The following HIVEP1 variants were observed in gnomAD, a reference collection of about 807,000 sequenced individuals.
The protein encoded by HIVEP1 is zinc finger protein 40.
HIVEP1 carries 36 observed loss-of-function variants against 180.0 expected under a neutral mutation model. The ratio of observed to expected loss-of-function variants is 0.20; its 90% confidence interval spans 0.15 to 0.26. HIVEP1 has a LOEUF of 0.26. Among genes scored for constraint, HIVEP1 ranks in the 10% least tolerant of loss-of-function variants. HIVEP1 has a pLI of 1.00. For synonymous variants in HIVEP1, 1,239 were observed against 1,239.0 expected (o/e 1.00, Z 0.00); for missense variants, 3,143 against 3,268.7 (o/e 0.96, Z 0.94).
intron 2 of HIVEP1, among the ~76,000 whole-genome samples, chr6:12,061,841 A>G (rs185742135): frequency 7.3e-4 from 111 of 152,328 alleles, no homozygotes; most frequent in Admixed American, 2.5e-3. Flanking sequence ...CAGTTTAAAA[A>G]AAATTTCTAA....
intron 2 of HIVEP1, among the ~76,000 whole-genome samples, chr6:12,019,148 G>A (rs1768025084): frequency 6.6e-6 from 1 of 152,208 alleles, no homozygotes; most frequent in Non-Finnish European, 1.5e-5. Flanking sequence ...GATGGGGAAG[G>A]GGAAGACTTC....
rs200876372 is a variant in HIVEP1, at chr6:12,121,707, C to T, written c.1912C>T (p.His638Tyr). ...MNPLEGKQDS[H>Y]VGTVHAQLQR... is the part of the protein sequence containing the mutation. ...TCCACTGGAAGGAAAGCAAGACTCT[C>T]ACGTAGGAACGGTACACGCCCAGCT... Residue 638 changes from histidine to tyrosine, a missense_variant, in exon 4 of 9, where the codon CAC (histidine) becomes TAC (tyrosine). Around this residue, in one of 12 missense-constraint regions of HIVEP1, gnomAD observed 365 missense variants for 344.4 expected, o/e 1.06. Transcript: ENST00000379388. The surrounding 1 kb of genome is among the most constrained non-coding windows in gnomAD (Gnocchi z 5.3). 1 of 1,614,208 alleles carries T rather than the reference C, an allele frequency of 6.2e-7. No individual in the cohort carries two copies. Among genetic ancestry groups the T allele is most frequent in the East Asian group, 2.2e-5 (1 of 44,876 alleles).
chr6:12,126,364 A>G (rs1228590061), intron 4 of HIVEP1, among the ~76,000 whole-genome samples: 1 of 152,198 alleles, frequency 6.6e-6, no homozygotes, highest in Non-Finnish European at 1.5e-5. Context: ...CTGTCATGCT[A>G]TGTAGCTGTC....
chr6:12,107,060 C>A (rs1774475327), intron 3 of HIVEP1, among the ~76,000 whole-genome samples: 1 of 152,156 alleles, frequency 6.6e-6, no homozygotes, highest in Admixed American at 6.5e-5. Context: ...CTTTTTTGAA[C>A]TGCATACTTT....
chr6:12,122,467 G>T lies in HIVEP1; in HGVS notation c.2672G>T (p.Gly891Val), dbSNP rs140669739. The T allele has an allele frequency of 5.0e-5, 81 of 1,614,050 alleles. No homozygotes were observed. Among genetic ancestry groups the T allele is most frequent in the Non-Finnish European group, 6.7e-5 (79 of 1,180,042 alleles). ...CCTAACGCTCCTGTGCCCCAGAGTG[G>T]GCATCCCCGTACACTTGTGAGACAA... The part of the protein sequence containing the change: ...SGPNAPVPQS[G>V]HPRTLVRQAA... The change falls in exon 4 of 9, where the codon GGG (glycine) becomes GTG (valine). Residue 891 changes from glycine (G) to valine (V), a missense_variant. By Grantham distance (109) the Gly-to-Val change is moderately radical. This residue lies in a region of HIVEP1 where 204 missense variants were observed against 243.7 expected (regional missense o/e 0.84). Coordinates refer to ENST00000379388, the MANE Select transcript of HIVEP1 (RefSeq NM_002114.4).
chr6:12,168,140 C>A (rs28535302), downstream of HIVEP1, among the ~76,000 whole-genome samples: 43 of 30,222 alleles, frequency 1.4e-3, 9 homozygotes, highest in Non-Finnish European at 3.1e-3. Flanking sequence ...ACGTGTATAT[C>A]TATATTATAT....
intron 2 of HIVEP1, among the ~76,000 whole-genome samples, chr6:12,026,692 T>C (rs1768607823): frequency 1.3e-5 from 2 of 152,210 alleles, no homozygotes; most frequent in African/African-American, 4.8e-5. Context: ...ATCTTTTATG[T>C]TAACATTAAA....
chr6:12,108,715 A>G (rs1040129649), intron 3 of HIVEP1, among the ~76,000 whole-genome samples: 15 of 152,094 alleles, frequency 9.9e-5, no homozygotes, highest in Non-Finnish European at 1.5e-4. Flanking sequence ...GCCCACCCGG[A>G]GCTCCAGCTG....
upstream of HIVEP1, among the ~76,000 whole-genome samples, chr6:12,011,270 T>TCCCCCCCCCCCCCCCCCCCCCCCCCCC (rs76242358): frequency 1.4e-5 from 1 of 71,636 alleles, no homozygotes; most frequent in Non-Finnish European, 2.6e-5. Flanking sequence ...CCCCTTGGGG[T>TCCCCCCCCCCCCCCCCCCCCCCCCCCC]CCCCCCCCCC....
At chr6:12,033,513 G>C (rs1402914510) in intron 2 of HIVEP1, among the ~76,000 whole-genome samples, 1 of 152,154 alleles carries the variant, frequency 6.6e-6, no homozygotes, top group Admixed American at 6.5e-5. Context: ...AGCCCACTCT[G>C]CTCAACCTCA....
intron 2 of HIVEP1, among the ~76,000 whole-genome samples, chr6:12,064,965 A>C (rs1253070634): frequency 6.6e-6 from 1 of 152,230 alleles, no homozygotes; most frequent in East Asian, 1.9e-4. Context: ...GGCTGTACAC[A>C]TACTGTGGGG....
chr6:12,074,696 C>T (rs909030286), intron 2 of HIVEP1, among the ~76,000 whole-genome samples: 1 of 143,996 alleles, frequency 6.9e-6, no homozygotes, highest in Non-Finnish European at 1.6e-5. Context: ...GTACGCTGGT[C>T]ATGAGATTTT....
intron 2 of HIVEP1, among the ~76,000 whole-genome samples, chr6:12,065,998 CT>C: frequency 6.6e-6 from 1 of 152,202 alleles, no homozygotes; most frequent in Non-Finnish European, 1.5e-5. Context: ...AGAATGAGGG[CT>C]TCCCAGGCAG....
chr6:12,153,383 T>C (rs981708736), intron 7 of HIVEP1, among the ~76,000 whole-genome samples: 1 of 152,142 alleles, frequency 6.6e-6, no homozygotes, highest in African/African-American at 2.4e-5. Flanking sequence ...TTAAAAGTAA[T>C]TAACTGCATT....
At chr6:12,052,397 A>G (rs867696960) in intron 2 of HIVEP1, among the ~76,000 whole-genome samples, 3 of 152,226 alleles carry the variant, frequency 2.0e-5, no homozygotes, top group Admixed American at 6.5e-5. Context: ...TAAAAAATTA[A>G]TGTTCTAAAT....
intron 2 of HIVEP1, among the ~76,000 whole-genome samples, chr6:12,029,244 T>C (rs577738757): frequency 2.0e-5 from 3 of 152,352 alleles, no homozygotes; most frequent in East Asian, 1.9e-4. Context: ...TTGATATTAC[T>C]ATAGAGACTA....
rs35266647 is a variant in HIVEP1 at position 12,090,735 on chromosome 6, C to CTTTTTTTTTTTTTTT, written c.94+1508_94+1522dup. Among the ~76,000 whole-genome samples, 9 of 82,472 alleles carry CTTTTTTTTTTTTTTT rather than the reference C, an allele frequency of 1.1e-4. 1 individual carries two copies. The highest frequency in any genetic ancestry group is 4.2e-4 in the African/African-American group (9 of 21,210). 54.1% of individuals were successfully genotyped at this position (82,472 alleles called of 152,430 possible). On this transcript the variant is annotated intron_variant, in intron 3 of 8. Coordinates refer to ENST00000379388, the MANE Select transcript of HIVEP1 (RefSeq NM_002114.4). ...AAAGTTTTCTTTCTCTATAGCCAGC[C>CTTTTTTTTTTTTTTT]TTTTTTTTTTTTTTTTTTTTTTTTA...
chr6:12,053,651 G>T (rs2113726304), intron 2 of HIVEP1, among the ~76,000 whole-genome samples: 1 of 152,234 alleles, frequency 6.6e-6, no homozygotes, highest in South Asian at 2.1e-4. Flanking sequence ...CAAAGTGGAG[G>T]TGGGATAGGG....
chr6:12,205,432 C>G, the HIVEP1 span, among the ~76,000 whole-genome samples: 3 of 151,698 alleles, frequency 2.0e-5, no homozygotes, highest in Non-Finnish European at 4.4e-5. Flanking sequence ...GATTGCGCCA[C>G]TGCACTCCAG....
Sources: allele counts gnomAD v4.1 joint callset (sites outside exome capture counted in the v4.1 genomes callset), GRCh38; gene constraint gnomAD v4.1.1; regional missense constraint gnomAD v4.1.1; non-coding constraint Gnocchi (gnomAD v3.1); transcripts MANE v1.5; gene names NCBI Gene and HGNC (gene_info 2026-07-23, HGNC 2026-07-21).